Variants in CDYL observed in about 807,000 individuals in gnomAD.
CDYL encodes chromodomain Y like, also known as chromodomain Y-like protein.
A neutral mutation model predicts 47.3 loss-of-function variants in CDYL; 8 were observed. That is an observed-to-expected ratio of 0.17 (90% CI 0.10 to 0.31). CDYL has a LOEUF of 0.31. CDYL is among the 10% of genes least tolerant of loss of function. The probability of loss-of-function intolerance (pLI) is 1.00; values close to 1 mark genes in which losing one functional copy is unlikely to be tolerated. For synonymous variants in CDYL, 266 were observed against 265.0 expected, an observed-to-expected ratio of 1.00 and a Z score of -0.04; for missense variants, 471 against 701.4, an observed-to-expected ratio of 0.67 and a Z score of 3.71.
intron 3 of CDYL, among the ~76,000 whole-genome samples, chr6:4,936,188 G>A (rs1581277902): frequency 6.6e-6 from 1 of 152,146 alleles, no homozygotes; most frequent in Non-Finnish European, 1.5e-5. Context: ...AAGTGCCCCC[G>A]GGGATCCCAG....
exon 2 of CDYL, chr6:4,715,867 T>C (rs1257035146): frequency 1.2e-6 from 2 of 1,614,040 alleles, no homozygotes; most frequent in Admixed American, 1.7e-5. Context: ...AAGTTATTCC[T>C]GAAGAGAAAC....
At chr6:4,803,662 C>G (rs1759287387) in intron 1 of CDYL, among the ~76,000 whole-genome samples, 1 of 151,646 alleles carries the variant, frequency 6.6e-6, no homozygotes, top group Non-Finnish European at 1.5e-5. Flanking sequence ...CACTGTGGCT[C>G]TGTGTCCCTG....
intron 2 of CDYL, chr6:4,724,405 G>GCTTA (rs934151422): frequency 2.0e-5 from 3 of 152,182 alleles, no homozygotes; most frequent in Admixed American, 2.0e-4. Context: ...ACATGTCAGG[G>GCTTA]CTTACCTTGA....
At chr6:4,734,723 T>A (rs1757671372) in intron 2 of CDYL, 1 of 1,611,582 alleles carries the variant, frequency 6.2e-7, no homozygotes, top group Non-Finnish European at 8.5e-7. Flanking sequence ...AGAGGATGGG[T>A]CCACCTCTCT....
At chr6:4,755,048 T>G (rs1262920755) in intron 3 of CDYL, among the ~76,000 whole-genome samples, 8 of 151,988 alleles carry the variant, frequency 5.3e-5, no homozygotes, top group Non-Finnish European at 1.2e-4. Flanking sequence ...TGTTGTTTTT[T>G]GTTTTTTGTT....
chr6:4,896,614 C>G (rs988079254), intron 2 of CDYL, among the ~76,000 whole-genome samples: 1 of 152,160 alleles, frequency 6.6e-6, no homozygotes, highest in Non-Finnish European at 1.5e-5. Flanking sequence ...AGCCCTCGTT[C>G]GCCCTCTGGC....
chr6:4,815,988 A>G (rs1345628766), intron 1 of CDYL, among the ~76,000 whole-genome samples: 3 of 102,314 alleles, frequency 2.9e-5, no homozygotes, highest in Admixed American at 1.1e-4. Flanking sequence ...TTTTTTTTTG[A>G]CGTTATCCTA....
At chr6:4,851,880 A>G (rs542191877) in intron 1 of CDYL, among the ~76,000 whole-genome samples, 43 of 152,292 alleles carry the variant, frequency 2.8e-4, no homozygotes, top group Admixed American at 1.2e-3. Context: ...TTGAGGTTCA[A>G]ATAAGTGGGG....
At chr6:4,713,501 A>G (rs1485677329) in intron 1 of CDYL, among the ~76,000 whole-genome samples, 1 of 152,132 alleles carries the variant, frequency 6.6e-6, no homozygotes, top group African/African-American at 2.4e-5. Context: ...TATCTGTATT[A>G]TTTGAATTTC....
chr6:4,848,050 G>A (rs1194485388), intron 1 of CDYL, among the ~76,000 whole-genome samples: 2 of 152,084 alleles, frequency 1.3e-5, no homozygotes, highest in Admixed American at 6.6e-5. Flanking sequence ...TGTTGAAATG[G>A]GAAAATATTA....
At chr6:4,781,062 T>C (rs1207380477) in intron 1 of CDYL, among the ~76,000 whole-genome samples, 1 of 151,714 alleles carries the variant, frequency 6.6e-6, no homozygotes, top group African/African-American at 2.4e-5. Context: ...TCTCAATGAT[T>C]AGTCTTGACC....
chr6:4,864,688 T>C (rs546209948), intron 1 of CDYL, among the ~76,000 whole-genome samples: 178 of 152,302 alleles, frequency 1.2e-3, no homozygotes, highest in Admixed American at 3.2e-3. Context: ...CATGGGTTTC[T>C]GCTTTTGCTG....
chr6:4,904,310 C>G lies in CDYL; in HGVS notation c.691+11931C>G, dbSNP rs188827567. On this transcript the variant is annotated intron_variant, in intron 2 of 6. Transcript: ENST00000397588. ...AGTAATTACCCCGATATAGTGAATACCCATCTCCTCCAGTGATATGGACCT... is the reference window on the plus strand; with the variant it reads ...AGTAATTACCCCGATATAGTGAATAGCCATCTCCTCCAGTGATATGGACCT... 2.0e-3 allele frequency among the ~76,000 whole-genome samples: 303 copies of G among 152,328 alleles called. 2 individuals carry two copies. The highest frequency in any genetic ancestry group is 7.0e-3 in the African/African-American group (292 of 41,568).
intron 5 of CDYL, among the ~76,000 whole-genome samples, chr6:4,949,413 G>T (rs1015734899): frequency 6.6e-5 from 10 of 152,348 alleles, no homozygotes; most frequent in African/African-American, 2.2e-4. Flanking sequence ...GAAGATTCCT[G>T]GATCCCCTCT....
At position 4,902,361 on chromosome 6, in the gene CDYL, G is replaced by A. The variant is rs541009056; in HGVS notation, c.691+9982G>A. Among the ~76,000 whole-genome samples, 300 of 148,530 alleles carry A rather than the reference G, an allele frequency of 2.0e-3. 2 individuals carry two copies. Among genetic ancestry groups the A allele is most frequent in the African/African-American group, 7.1e-3 (287 of 40,244 alleles). ...GCAGAGGTTGCAGTGAGCCAAGATCGCACCATTGCACTCCAGTCTGGGCAA... is the reference window on the plus strand; with the variant it reads ...GCAGAGGTTGCAGTGAGCCAAGATCACACCATTGCACTCCAGTCTGGGCAA... On this transcript the variant is annotated intron_variant, in intron 2 of 6. Transcript: ENST00000397588.
intron 1 of CDYL, among the ~76,000 whole-genome samples, chr6:4,795,005 G>T (rs540073808): frequency 2.7e-5 from 4 of 150,030 alleles, no homozygotes; most frequent in South Asian, 2.1e-4. Context: ...GTTATTTCTT[G>T]TACTGAATTG....
At chr6:4,944,318 G>A (rs558325263) in intron 5 of CDYL, among the ~76,000 whole-genome samples, 1 of 152,222 alleles carries the variant, frequency 6.6e-6, no homozygotes, top group Non-Finnish European at 1.5e-5. Flanking sequence ...AGTTTGGCAC[G>A]TGGAGAATTA....
At chr6:4,901,785 A>G (rs1757062947) in intron 2 of CDYL, among the ~76,000 whole-genome samples, 1 of 152,196 alleles carries the variant, frequency 6.6e-6, no homozygotes, top group African/African-American at 2.4e-5. Flanking sequence ...TAAACATACA[A>G]GCAAATGAAA....
intron 2 of CDYL, among the ~76,000 whole-genome samples, chr6:4,898,984 C>T (rs1187634806): frequency 6.6e-6 from 1 of 152,168 alleles, no homozygotes; most frequent in African/African-American, 2.4e-5. Context: ...CTTACTGTTA[C>T]CACTTTGGAT....
Sources: gnomAD v4.1 joint callset for allele counts (sites outside exome capture counted in the v4.1 genomes callset) on GRCh38, gnomAD v4.1.1 for gene constraint, MANE v1.5 for transcripts, NCBI Gene and HGNC (gene_info 2026-07-23, HGNC 2026-07-21) for gene names.